The following PTCHD4 variants were observed in gnomAD, a reference collection of about 807,000 sequenced individuals.
PTCHD4 encodes patched domain-containing protein 4.
In PTCHD4, 33 loss-of-function variants were observed where a neutral mutation model predicts 58.1. That is an observed-to-expected ratio of 0.57 (90% CI 0.43 to 0.76). The LOEUF (loss-of-function observed/expected upper bound fraction) is 0.76. Ranked by LOEUF, PTCHD4 falls within the 30% of genes least tolerant of loss-of-function variation. The probability of loss-of-function intolerance (pLI) is 0.00; values close to 1 mark genes in which losing one functional copy is unlikely to be tolerated. For synonymous variants in PTCHD4, 478 were observed against 409.6 expected, an observed-to-expected ratio of 1.17 and a Z score of -2.02; for missense variants, 1,058 against 1,027.1, an observed-to-expected ratio of 1.03 and a Z score of -0.41.
At chr6:48,105,815 T>A (rs535115814) in intron 1 of PTCHD4, among the ~76,000 whole-genome samples, 5 of 152,248 alleles carry the variant, frequency 3.3e-5, no homozygotes, top group African/African-American at 1.2e-4. Context: ...GAGAATACTA[T>A]AAACACCTCT....
At chr6:47,986,351 C>G (rs1768062078) in intron 4 of PTCHD4, among the ~76,000 whole-genome samples, 1 of 152,084 alleles carries the variant, frequency 6.6e-6, no homozygotes, top group African/African-American at 2.4e-5. Flanking sequence ...ATTATAAATG[C>G]TCAATATATT....
At chr6:47,945,845 C>T (rs1244122415) in intron 4 of PTCHD4, among the ~76,000 whole-genome samples, 1 of 151,514 alleles carries the variant, frequency 6.6e-6, no homozygotes, top group Non-Finnish European at 1.5e-5. Flanking sequence ...AATCTTTTGT[C>T]AGGATATTCT....
chr6:47,965,691 G>T (rs1767257254), intron 4 of PTCHD4, among the ~76,000 whole-genome samples: 2 of 152,174 alleles, frequency 1.3e-5, no homozygotes. Context: ...CACTTTGGGA[G>T]GCCAAGGAGG....
chr6:48,060,170 T>C (rs1257266363), intron 3 of PTCHD4, among the ~76,000 whole-genome samples: 1 of 152,180 alleles, frequency 6.6e-6, no homozygotes, highest in African/African-American at 2.4e-5. Flanking sequence ...CCTAAATGAA[T>C]GTGTATGTGA....
chr6:47,955,370 T>A lies in PTCHD4; in HGVS notation c.898+53264A>T, dbSNP rs545434908. Reference sequence around the variant, plus strand: ...AAGAAAAAATAAACAAAATGGATATTGTCAAAGGCTCTCGAATTATGAGTC... The same window carrying A: ...AAGAAAAAATAAACAAAATGGATATAGTCAAAGGCTCTCGAATTATGAGTC... On this transcript the variant is annotated intron_variant, in intron 4 of 4. Coordinates refer to ENST00000339488, the MANE Select transcript of PTCHD4 (RefSeq NM_001384253.1). Among the ~76,000 whole-genome samples, 10 of 152,272 alleles carry A rather than the reference T, an allele frequency of 6.6e-5. No homozygotes were observed. In the South Asian group the frequency reaches 1.9e-3, roughly 28 times the overall value.
intron 4 of PTCHD4, among the ~76,000 whole-genome samples, chr6:47,981,675 T>A (rs886811930): frequency 6.6e-5 from 10 of 152,202 alleles, no homozygotes; most frequent in African/African-American, 2.2e-4. Flanking sequence ...TGCTGAACCC[T>A]CAGGAGCTGG....
intron 4 of PTCHD4, among the ~76,000 whole-genome samples, chr6:47,886,071 G>A (rs1284552104): frequency 1.3e-5 from 2 of 151,088 alleles, no homozygotes; most frequent in Admixed American, 1.3e-4. Context: ...GCCCGCCTCG[G>A]CCTCCCAAAG....
At chr6:47,930,575 A>T (rs958964773) in intron 4 of PTCHD4, among the ~76,000 whole-genome samples, 1 of 152,136 alleles carries the variant, frequency 6.6e-6, no homozygotes, top group African/African-American at 2.4e-5. Context: ...CAGAAAACCT[A>T]AAAAAATAAA....
chr6:47,942,810 C>T (rs1172038060), intron 4 of PTCHD4, among the ~76,000 whole-genome samples: 2 of 152,178 alleles, frequency 1.3e-5, no homozygotes, highest in Non-Finnish European at 2.9e-5. Context: ...TAATCTCTGT[C>T]TTGTTAGTTC....
At position 47,860,207 on chromosome 6, in the gene PTCHD4, CA is replaced by C. The variant is rs1330923140; in HGVS notation, c.*18095del. On this transcript the variant is annotated 3_prime_UTR_variant, in exon 5 of 5. Coordinates refer to ENST00000339488, the MANE Select transcript of PTCHD4 (RefSeq NM_001384253.1). ...TATTGTGAGTGACTATTTCTTCTGT[CA>C]GCATCTTTAAAGAGATTGCAAGCAA... 1.3e-5 allele frequency among the ~76,000 whole-genome samples: 2 copies of C among 151,978 alleles called. No homozygotes were observed. Among genetic ancestry groups the C allele is most frequent in the African/African-American group, 4.8e-5 (2 of 41,416 alleles).
intron 3 of PTCHD4, among the ~76,000 whole-genome samples, chr6:48,037,015 A>G (rs145561587): frequency 1.2e-4 from 19 of 152,284 alleles, no homozygotes; most frequent in African/African-American, 4.6e-4. Flanking sequence ...ACACCAAGCC[A>G]TTTACTGCAA....
intron 4 of PTCHD4, among the ~76,000 whole-genome samples, chr6:47,962,027 T>C (rs1162413342): frequency 6.6e-6 from 1 of 152,070 alleles, no homozygotes; most frequent in Non-Finnish European, 1.5e-5. Context: ...TAACCAGGTT[T>C]ATTAGGAAAA....
At chr6:47,928,250 T>C (rs1268079542) in intron 4 of PTCHD4, among the ~76,000 whole-genome samples, 1 of 152,222 alleles carries the variant, frequency 6.6e-6, no homozygotes, top group East Asian at 1.9e-4. Flanking sequence ...GAGCATCCCT[T>C]ATCTAAGATG....
At chr6:48,077,703 G>A (rs1209291134) in intron 1 of PTCHD4, among the ~76,000 whole-genome samples, 1 of 152,064 alleles carries the variant, frequency 6.6e-6, no homozygotes, top group East Asian at 1.9e-4. Flanking sequence ...GGCCATTTAG[G>A]GTTATTAATT....
chr6:48,022,647 T>G (rs1169595449), intron 3 of PTCHD4, among the ~76,000 whole-genome samples: 2 of 152,140 alleles, frequency 1.3e-5, no homozygotes, highest in Non-Finnish European at 2.9e-5. Flanking sequence ...AGTGTTAACA[T>G]TTTCTGGGCT....
intron 1 of PTCHD4, among the ~76,000 whole-genome samples, chr6:48,072,273 A>C (rs1369303146): frequency 6.6e-6 from 1 of 152,088 alleles, no homozygotes; most frequent in Non-Finnish European, 1.5e-5. Context: ...CCAGTCTTTT[A>C]TTTATATTGG....
rs1204269258 is a variant in PTCHD4, at chr6:47,878,687, G to C, written c.2148C>G (p.Ile716Met). The C allele has an allele frequency of 4.3e-6, 7 of 1,613,568 alleles. No individual in the cohort carries two copies. In the East Asian group the frequency reaches 8.9e-5, roughly 21 times the overall value. Residue 716 changes from isoleucine (I) to methionine (M), a missense_variant, in exon 5 of 5, where the codon ATC (isoleucine) becomes ATG (methionine). By Grantham distance (10) the Ile-to-Met change is conservative. Coordinates refer to ENST00000339488, the MANE Select transcript of PTCHD4 (RefSeq NM_001384253.1). Reference protein sequence around the residue: ...DMDCISILCLIYTLNFAIDHC... With the variant: ...DMDCISILCLMYTLNFAIDHC... Reference sequence around the variant, plus strand: ...GGTCAATGGCGAAATTCAAGGTGTAGATAAGGCACAAGATAGAAATGCAAT... The same window carrying C: ...GGTCAATGGCGAAATTCAAGGTGTACATAAGGCACAAGATAGAAATGCAAT...
rs1392487340 is a variant in PTCHD4, at chr6:47,914,733, TTATCTATCTATTATCTATC to T, written c.899-34816_899-34798del. On this transcript the variant is annotated intron_variant, in intron 4 of 4. Transcript: ENST00000339488. ...GTCTCTCTGTCTGTCTATCTATCTATTATCTATCTATTATCTATCTATCTATCTATCTATCTATCTATCT... is the reference window on the plus strand; with the variant it reads ...GTCTCTCTGTCTGTCTATCTATCTATTATCTATCTATCTATCTATCTATCT... 4.5e-4 allele frequency among the ~76,000 whole-genome samples: 28 copies of T among 61,752 alleles called. No homozygotes were observed. The South Asian group carries it at 5.2e-3, about 12-fold the overall frequency. The allele number at this position is 61,752 out of a possible 152,430, so 40.5% of individuals were successfully genotyped here. A position where few individuals can be genotyped will look rare whatever the true frequency, so the allele number is the denominator to read the frequency against.
intron 4 of PTCHD4, among the ~76,000 whole-genome samples, chr6:48,007,139 C>A (rs1337692049): frequency 6.6e-6 from 1 of 152,052 alleles, no homozygotes; most frequent in Admixed American, 6.6e-5. Context: ...ACTCAGGAGG[C>A]TGAGGCAAGA....
Sources: gnomAD v4.1 joint callset for allele counts (sites outside exome capture counted in the v4.1 genomes callset) on GRCh38, gnomAD v4.1.1 for gene constraint, MANE v1.5 for transcripts, NCBI Gene and HGNC (gene_info 2026-07-23, HGNC 2026-07-21) for gene names.